Variants in RARB observed in about 807,000 individuals in gnomAD.
RARB encodes HBV-activated protein.
RARB carries 17 observed loss-of-function variants against 51.9 expected under a neutral mutation model. The observed-to-expected ratio is 0.33, with a 90% CI of 0.22 to 0.49. RARB has a LOEUF of 0.49. Ranked by LOEUF, RARB falls within the 20% of genes least tolerant of loss-of-function variation. The pLI, the probability that RARB is intolerant of heterozygous loss-of-function variation, is 0.99. For synonymous variants in RARB, 215 were observed against 195.4 expected (o/e 1.10, Z -0.84); for missense variants, 369 against 550.8 (o/e 0.67, Z 3.30).
intron 4 of RARB, among the ~76,000 whole-genome samples, chr3:25,166,407 T>C (rs1051046523): frequency 6.6e-6 from 1 of 152,128 alleles, no homozygotes; most frequent in African/African-American, 2.4e-5. Flanking sequence ...TCTGAGAAAT[T>C]TGAAGTGGCA....
chr3:25,283,412 A>G (rs1475229674), intron 5 of RARB, among the ~76,000 whole-genome samples: 1 of 152,080 alleles, frequency 6.6e-6, no homozygotes, highest in Non-Finnish European at 1.5e-5. Context: ...ACATTAAATG[A>G]CTTCCTTCTC....
At chr3:25,162,919 C>A (rs555625439) in intron 4 of RARB, among the ~76,000 whole-genome samples, 1 of 152,164 alleles carries the variant, frequency 6.6e-6, no homozygotes, top group African/African-American at 2.4e-5. Context: ...GTTTTCAATT[C>A]CCTTGACTGT....
intron 2 of RARB, among the ~76,000 whole-genome samples, chr3:24,894,014 C>T (rs1042602246): frequency 9.8e-6 from 1 of 101,594 alleles, no homozygotes; most frequent in South Asian, 2.7e-4. Flanking sequence ...GAACAAATAA[C>T]TGAACAGAAA....
chr3:25,017,007 C>G (rs1697524052), intron 2 of RARB, among the ~76,000 whole-genome samples: 1 of 152,142 alleles, frequency 6.6e-6, no homozygotes, highest in Non-Finnish European at 1.5e-5. Context: ...ATCATTTCCA[C>G]TGTGTATTGT....
chr3:25,073,162 A>G (rs952761002), intron 3 of RARB, among the ~76,000 whole-genome samples: 3 of 152,242 alleles, frequency 2.0e-5, no homozygotes, highest in African/African-American at 4.8e-5. Flanking sequence ...TGCGTCTACA[A>G]TAATTTGGGA....
chr3:25,437,768 T>C (rs1334467011), intron 1 of RARB, among the ~76,000 whole-genome samples: 1 of 152,246 alleles, frequency 6.6e-6, no homozygotes. Context: ...AAAGGAGTTC[T>C]AAACCTATCT....
At chr3:25,035,136 A>G (rs1339691215) in intron 2 of RARB, among the ~76,000 whole-genome samples, 2 of 152,040 alleles carry the variant, frequency 1.3e-5, no homozygotes, top group African/African-American at 4.8e-5. Context: ...TTTGTTTGTT[A>G]TTTGAGACAG....
At chr3:24,846,774 C>A (rs1481008545) in intron 1 of RARB, among the ~76,000 whole-genome samples, 1 of 151,660 alleles carries the variant, frequency 6.6e-6, no homozygotes, top group Non-Finnish European at 1.5e-5. Context: ...AGTGAGAGCA[C>A]TTTCTAATCT....
intron 2 of RARB, among the ~76,000 whole-genome samples, chr3:25,466,040 C>T (rs1322279255): frequency 5.9e-5 from 9 of 152,048 alleles, no homozygotes; most frequent in Admixed American, 5.9e-4. Context: ...CTTTTCTCAT[C>T]TGGAAAAATG....
At chr3:25,090,404 T>C (rs1699176468) in intron 3 of RARB, among the ~76,000 whole-genome samples, 1 of 152,176 alleles carries the variant, frequency 6.6e-6, no homozygotes, top group Non-Finnish European at 1.5e-5. Flanking sequence ...ATTTTAATCT[T>C]AAGAAATATT....
chr3:25,328,158 T>C (rs1704780106), intron 5 of RARB, among the ~76,000 whole-genome samples: 1 of 152,356 alleles, frequency 6.6e-6, no homozygotes, highest in African/African-American at 2.4e-5. Context: ...AAAATTGGTG[T>C]ATTAAGGAAT....
intron 2 of RARB, among the ~76,000 whole-genome samples, chr3:25,045,059 G>GT: frequency 6.6e-6 from 1 of 152,288 alleles, no homozygotes; most frequent in South Asian, 2.1e-4. Context: ...AACCTAAAAA[G>GT]TTTAGTTTGG....
rs537828770 is a variant in RARB at position 25,121,750 on chromosome 3, T to G, written c.-327-10411T>G. 4.4e-3 allele frequency among the ~76,000 whole-genome samples: 647 copies of G among 147,654 alleles called. 6 individuals carry two copies. Among genetic ancestry groups the G allele is most frequent in the African/African-American group, 0.017 (630 of 37,812 alleles). On this transcript the variant is annotated intron_variant, in intron 3 of 11. Transcript: ENST00000383772. ...AATTAATAGGCTACTCAAAATAATT[T>G]ATGTTTTTTAAATTTCTACACATTT...
chr3:25,382,761 G>A (rs1386103119), intron 5 of RARB, among the ~76,000 whole-genome samples: 1 of 152,176 alleles, frequency 6.6e-6, no homozygotes, highest in East Asian at 1.9e-4. Context: ...GGGAGGCTGA[G>A]GCAGGAGAAT....
At chr3:25,187,861 A>C (rs1701013152) in intron 5 of RARB, among the ~76,000 whole-genome samples, 1 of 152,130 alleles carries the variant, frequency 6.6e-6, no homozygotes, top group Admixed American at 6.6e-5. Flanking sequence ...ATTCATAATA[A>C]ATAAATGTTT....
intron 5 of RARB, among the ~76,000 whole-genome samples, chr3:25,374,904 A>C (rs1352386223): frequency 6.6e-6 from 1 of 152,178 alleles, no homozygotes; most frequent in Non-Finnish European, 1.5e-5. Context: ...TCTAGAAAAC[A>C]CCACAGAGAA....
intron 5 of RARB, among the ~76,000 whole-genome samples, chr3:25,185,312 G>A (rs1371443154): frequency 6.6e-6 from 1 of 152,108 alleles, no homozygotes; most frequent in African/African-American, 2.4e-5. Context: ...TTTCATAGAT[G>A]AGGATCCTTT....
intron 5 of RARB, among the ~76,000 whole-genome samples, chr3:25,365,199 CTTTTTTTTTTTTTTTTT>C (rs3035063): frequency 1.3e-4 from 10 of 75,456 alleles, no homozygotes; most frequent in Admixed American, 1.8e-4. Context: ...TTCTTTCTTT[CTTTTTTTTTTTTTTTTT>C]TTTTTTTTTT....
intron 5 of RARB, among the ~76,000 whole-genome samples, chr3:25,403,886 T>TAAAAAAAAAAAAAAAAAAAA (rs546197894): frequency 1.1e-5 from 1 of 88,366 alleles, no homozygotes; most frequent in African/African-American, 4.8e-5. Flanking sequence ...TTTCTTTTTC[T>TAAAAAAAAAAAAAAAAAAAA]AAAAAAAAAA....
Sources: allele counts gnomAD v4.1 joint callset (sites outside exome capture counted in the v4.1 genomes callset), GRCh38; gene constraint gnomAD v4.1.1; transcripts MANE v1.5; gene names NCBI Gene and HGNC (gene_info 2026-07-23, HGNC 2026-07-21).